Variants in TRIM5 observed in about 807,000 individuals in gnomAD.
The protein encoded by TRIM5 is tripartite motif containing 5.
TRIM5 carries 31 observed loss-of-function variants against 35.6 expected under a neutral mutation model. The ratio of observed to expected loss-of-function variants is 0.87; its 90% CI spans 0.65 to 1.18. The LOEUF (loss-of-function observed/expected upper bound fraction) is 1.18, where lower values mean the gene tolerates loss of function less well. TRIM5 is among the 50% of genes most tolerant of loss of function. The probability of loss-of-function intolerance (pLI) is 0.00; values close to 1 mark genes in which losing one functional copy is unlikely to be tolerated. For missense variants in TRIM5, 609 were observed against 591.6 expected, an observed-to-expected ratio of 1.03 and a Z score of -0.31; for synonymous variants, 243 against 215.6, an observed-to-expected ratio of 1.13 and a Z score of -1.11.
At chr11:5,669,323 G>A (rs547909228) in intron 4 of TRIM5, among the ~76,000 whole-genome samples, 34 of 151,634 alleles carry the variant, frequency 2.2e-4, no homozygotes, top group African/African-American at 7.7e-4. Context: ...CAGGCGATCC[G>A]CCTGCCTCAG....
chr11:5,629,949 G>A, the TRIM5 span, among the ~76,000 whole-genome samples: 1 of 152,038 alleles, frequency 6.6e-6, no homozygotes, highest in South Asian at 2.1e-4. Flanking sequence ...CTCGTGATCC[G>A]CCTGCCTCGG....
intron 4 of TRIM5, among the ~76,000 whole-genome samples, chr11:5,668,718 G>A (rs951122735): frequency 7.9e-5 from 12 of 152,278 alleles, no homozygotes; most frequent in African/African-American, 2.9e-4. Flanking sequence ...CCAAAGTGCT[G>A]AGATTACAGG....
chr11:5,642,725 C>T, the TRIM5 span: 8 of 1,548,264 alleles, frequency 5.2e-6, no homozygotes, highest in Non-Finnish European at 7.0e-6. Flanking sequence ...TCATGGTATT[C>T]CCTTCCCCTG....
the TRIM5 span, among the ~76,000 whole-genome samples, chr11:5,636,907 G>A: frequency 6.6e-6 from 1 of 152,204 alleles, no homozygotes; most frequent in Non-Finnish European, 1.5e-5. Flanking sequence ...AGCACTTTGG[G>A]AGGCCGAGGT....
the TRIM5 span, chr11:5,634,970 G>C: frequency 8.4e-7 from 1 of 1,184,538 alleles, no homozygotes; most frequent in Non-Finnish European, 1.2e-6. Context: ...TTGCAGTGCC[G>C]CCTTGTCGTC....
intron 1 of TRIM5, chr11:5,684,113 C>T: frequency 6.0e-6 from 1 of 167,870 alleles, no homozygotes; most frequent in Non-Finnish European, 1.2e-5. Context: ...AACTGTAACA[C>T]TCACTGCAAG....
the TRIM5 span, among the ~76,000 whole-genome samples, chr11:5,637,207 T>C: frequency 0.043 from 6,529 of 152,222 alleles, 454 homozygotes; most frequent in African/African-American, 0.15. Context: ...ATTTGTGGTA[T>C]GTCTCCTCCA....
At chr11:5,654,186 A>C in the TRIM5 span, among the ~76,000 whole-genome samples, 1 of 152,100 alleles carries the variant, frequency 6.6e-6, no homozygotes, top group Admixed American at 6.5e-5. Context: ...CCTTTTATTG[A>C]AGAATTGTGT....
At chr11:5,627,679 C>A in the TRIM5 span, among the ~76,000 whole-genome samples, 4 of 152,088 alleles carry the variant, frequency 2.6e-5, no homozygotes, top group Non-Finnish European at 4.4e-5. Context: ...TAAGGAGTAG[C>A]TGAAGCAAGA....
At position 5,670,017 on chromosome 11, in the gene TRIM5, C is replaced by A. The variant is rs552564836; in HGVS notation, c.745-2306G>T. 6 of 157,410 alleles carry A rather than the reference C, an allele frequency of 3.8e-5. No homozygotes were observed. The South Asian group carries it at 8.0e-4, about 21-fold the overall frequency. The allele number at this position is 157,410 out of a possible 1,614,324, so 9.8% of individuals were successfully genotyped here. A position where few individuals can be genotyped will look rare whatever the true frequency, so the allele number is the denominator to read the frequency against. On this transcript the variant is annotated intron_variant, in intron 4 of 7. Coordinates refer to ENST00000380034, the MANE Select transcript of TRIM5 (RefSeq NM_033034.3). ...TATGATCAATGTCCTTCTCCAAATT[C>A]TCCCTATTCCTCTACATTGAGTTTA...
At chr11:5,606,693 GCTC>G in the TRIM5 span, among the ~76,000 whole-genome samples, 1 of 151,594 alleles carries the variant, frequency 6.6e-6, no homozygotes. Flanking sequence ...TTTTGTTCTG[GCTC>G]CTCAACAGTC....
the TRIM5 span, among the ~76,000 whole-genome samples, chr11:5,629,186 A>G: frequency 3.9e-5 from 6 of 152,144 alleles, no homozygotes; most frequent in Non-Finnish European, 8.8e-5. Context: ...CTGAGGCAGG[A>G]GAATCGCTTG....
rs1468518130 is a variant in TRIM5, at chr11:5,679,785, T to C, written c.393A>G (p.Thr131=). The change falls in exon 2 of 8, where the codon ACA becomes ACG. Residue 131 remains threonine (T), a synonymous_variant. Coordinates refer to ENST00000380034, the MANE Select transcript of TRIM5 (RefSeq NM_033034.3). ...QEHRGHHTFL[T]EEVAREYQVK... ...CTTGGTACTCCCGGGCAACCTCCTC[T>C]GTGAGGAACGTGTGGTGACCACGGT... The C allele has an allele frequency of 1.2e-6, 2 of 1,604,906 alleles. No homozygotes were observed. Among genetic ancestry groups the C allele is most frequent in the South Asian group, 1.1e-5 (1 of 89,790 alleles).
the TRIM5 span, among the ~76,000 whole-genome samples, chr11:5,657,692 AATATAATATATATAAATATATAT>A: frequency 7.7e-6 from 1 of 130,262 alleles, no homozygotes; most frequent in African/African-American, 3.0e-5. Context: ...ATATATTTAT[AATATAATATATATAAATATATAT>A]ATATATTATA....
At chr11:5,637,843 A>C in the TRIM5 span, among the ~76,000 whole-genome samples, 1 of 152,234 alleles carries the variant, frequency 6.6e-6, no homozygotes, top group Non-Finnish European at 1.5e-5. Context: ...GAATCATAGA[A>C]TATTTGTCCT....
intron 7 of TRIM5, 104 bp from the exon 8 acceptor site, chr11:5,665,499 T>C (rs1851061704): frequency 6.5e-7 from 1 of 1,545,806 alleles, no homozygotes; most frequent in Admixed American, 2.2e-5. Flanking sequence ...AGGAACCTTG[T>C]TTAGAAGTTA....
At chr11:5,594,750 C>T in the TRIM5 span, among the ~76,000 whole-genome samples, 1 of 152,134 alleles carries the variant, frequency 6.6e-6, no homozygotes, top group South Asian at 2.1e-4. Flanking sequence ...TTCTCCATCC[C>T]TTTTCCAATA....
At chr11:5,625,991 C>T in the TRIM5 span, among the ~76,000 whole-genome samples, 4 of 152,216 alleles carry the variant, frequency 2.6e-5, no homozygotes, top group African/African-American at 7.2e-5. Flanking sequence ...CTTAAGCTCA[C>T]TTGTGAGCAA....
chr11:5,612,792 A>G, the TRIM5 span: 1 of 152,202 alleles, frequency 6.6e-6, no homozygotes, highest in Non-Finnish European at 1.5e-5. Flanking sequence ...ATACATGCCT[A>G]GTCTGAATTG....
Sources: allele counts gnomAD v4.1 joint callset (sites outside exome capture counted in the v4.1 genomes callset), GRCh38; gene constraint gnomAD v4.1.1; transcripts MANE v1.5; gene names NCBI Gene and HGNC (gene_info 2026-07-23, HGNC 2026-07-21).